The following RAPH1 variants were observed in gnomAD, a reference collection of about 807,000 sequenced individuals.
RAPH1 encodes the protein Ras association (RalGDS/AF-6) and pleckstrin homology domains 1, also known as ras-associated and pleckstrin homology domains-containing protein 1.
RAPH1 carries 18 observed loss-of-function variants against 88.1 expected under a neutral mutation model. The observed-to-expected ratio is 0.20, with a 90% CI of 0.14 to 0.30. The LOEUF (loss-of-function observed/expected upper bound fraction) is 0.30, where lower values mean the gene tolerates loss of function less well. Ranked by LOEUF, RAPH1 falls within the 10% of genes least tolerant of loss-of-function variation. The pLI is 1.00. For synonymous variants in RAPH1, 587 were observed against 559.0 expected (o/e 1.05, Z -0.71); for missense variants, 1,448 against 1,543.2 (o/e 0.94, Z 1.03).
In RAPH1 at chr2:203,440,691, A is replaced by T. The variant is rs1366119206; in HGVS notation, c.2499T>A (p.Val833=). Residue 833 remains valine (V), a synonymous_variant, in exon 14 of 14, where the codon GTT becomes GTA. Transcript: ENST00000319170. ...YIPPSPPTPP[V]PVPPPTLPKQ... ...TGGGTAATGTTGGCGGGGGTACTGG[A>T]ACAGGAGGGGTAGGGGGAGAGGGTG... The T allele has an allele frequency of 1.1e-5, 17 of 1,580,638 alleles. No individual in the cohort carries two copies. Among genetic ancestry groups the T allele is most frequent in the Non-Finnish European group, 1.5e-5 (17 of 1,163,750 alleles).
chr2:203,458,568 A>G (rs2098521716), intron 7 of RAPH1, among the ~76,000 whole-genome samples: 1 of 152,132 alleles, frequency 6.6e-6, no homozygotes, highest in Non-Finnish European at 1.5e-5. Flanking sequence ...TAATCTCTAG[A>G]TTACTTACAA....
intron 4 of RAPH1, among the ~76,000 whole-genome samples, chr2:203,466,878 A>C (rs2098528935): frequency 6.6e-6 from 1 of 152,198 alleles, no homozygotes; most frequent in Admixed American, 6.5e-5. Context: ...AAAGTGTTAG[A>C]ACTTTCTCTA....
intron 1 of RAPH1, among the ~76,000 whole-genome samples, chr2:203,533,030 G>T (rs1336816161): frequency 2.0e-5 from 3 of 152,028 alleles, no homozygotes; most frequent in Non-Finnish European, 4.4e-5. Context: ...AGTATTTATG[G>T]GGTGAGCACC....
intron 1 of RAPH1, among the ~76,000 whole-genome samples, chr2:203,532,836 C>T (rs1261629193): frequency 6.6e-6 from 1 of 152,188 alleles, no homozygotes; most frequent in Non-Finnish European, 1.5e-5. Flanking sequence ...GATAAGTTAT[C>T]TGCCTGAGGT....
intron 4 of RAPH1, among the ~76,000 whole-genome samples, chr2:203,486,216 G>A (rs964917013): frequency 6.6e-6 from 1 of 152,114 alleles, no homozygotes; most frequent in East Asian, 1.9e-4. Flanking sequence ...AGTTGAAACA[G>A]TGATCACCAT....
chr2:203,513,018 A>G (rs1689422727), intron 1 of RAPH1, among the ~76,000 whole-genome samples: 1 of 152,216 alleles, frequency 6.6e-6, no homozygotes, highest in African/African-American at 2.4e-5. Flanking sequence ...GAGTAAAAAC[A>G]GACTTTCATT....
Position 203,444,871 on chromosome 2 carries a change from G to A in RAPH1, c.1773C>T (p.Ser591=). The A allele has an allele frequency of 1.2e-6, 2 of 1,613,560 alleles. No homozygotes were observed. Residue 591 remains serine, a synonymous_variant, in exon 13 of 14, where the codon AGC becomes AGT. Coordinates refer to ENST00000319170, the MANE Select transcript of RAPH1 (RefSeq NM_213589.3). ...WKRGTQLEES[S]KARMESMNRP... ...TAAATTAAAACGAAGCTGTTACCTT[G>A]CTGGACTCTTCCAACTGAGTGCCTC...
chr2:203,522,376 T>C (rs1559504202), intron 1 of RAPH1, among the ~76,000 whole-genome samples: 1 of 152,188 alleles, frequency 6.6e-6, no homozygotes, highest in Non-Finnish European at 1.5e-5. Flanking sequence ...TGTAATACAT[T>C]GTAAGGCAAC....
chr2:203,534,749 G>A (rs1344767509), intron 1 of RAPH1, among the ~76,000 whole-genome samples: 1 of 152,198 alleles, frequency 6.6e-6, no homozygotes, highest in Non-Finnish European at 1.5e-5. Flanking sequence ...CTGGGCGGGG[G>A]AAAGTCCTTT....
rs1689093179 is a variant in RAPH1 at position 203,506,866 on chromosome 2, A to ACATC, written c.1-11514_1-11513insGATG. ...TATATCTATCTATATCTATATATAT[A>ACATC]TATATATATATATAGATATATATAT... is the stretch of plus-strand genomic sequence containing the variant. On this transcript the variant is annotated intron_variant, in intron 1 of 13. Coordinates refer to ENST00000319170, the MANE Select transcript of RAPH1 (RefSeq NM_213589.3). 1.1e-4 allele frequency among the ~76,000 whole-genome samples: 10 copies of ACATC among 90,680 alleles called. 1 individual carries two copies. In the South Asian group the frequency reaches 3.1e-3, roughly 28 times the overall value. 59.5% of individuals were successfully genotyped at this position (90,680 alleles called of 152,430 possible).
At chr2:203,445,090 T>G in intron 12 of RAPH1, 80 bp from the exon 13 acceptor site, 1 of 1,321,936 alleles carries the variant, frequency 7.6e-7, no homozygotes, top group Non-Finnish European at 1.1e-6. Flanking sequence ...TAGTTAGATC[T>G]TTTACACAAG....
At chr2:203,444,249 G>A (rs1419046841) in intron 13 of RAPH1, 1 of 151,986 alleles carries the variant, frequency 6.6e-6, no homozygotes, top group African/African-American at 2.4e-5. Context: ...CTAGACAACA[G>A]GGTGAAACCC....
At chr2:203,491,389 GT>G in intron 2 of RAPH1, 70 bp from the exon 3 acceptor site, 2 of 1,075,386 alleles carry the variant, frequency 1.9e-6, no homozygotes, top group Non-Finnish European at 2.7e-6. Context: ...GATGAAGTTT[GT>G]TTTATGATTA....
intron 1 of RAPH1, among the ~76,000 whole-genome samples, chr2:203,512,695 T>G (rs1257089369): frequency 1.3e-5 from 2 of 148,524 alleles, no homozygotes; most frequent in Admixed American, 6.8e-5. Flanking sequence ...CCATCTTAGC[T>G]CACTGCCACC....
chr2:203,481,927 T>TA (rs1419603626), intron 4 of RAPH1, among the ~76,000 whole-genome samples: 4 of 149,386 alleles, frequency 2.7e-5, no homozygotes, highest in African/African-American at 7.4e-5. Flanking sequence ...TATTATTGTC[T>TA]AAAAAAAAGG....
At chr2:203,506,849 T>A (rs1581382057) in intron 1 of RAPH1, among the ~76,000 whole-genome samples, 1 of 31,432 alleles carries the variant, frequency 3.2e-5, no homozygotes, top group East Asian at 4.9e-4. Flanking sequence ...TATATATCTA[T>A]CTATATCTAT....
intron 1 of RAPH1, among the ~76,000 whole-genome samples, chr2:203,496,854 C>T (rs891590176): frequency 6.6e-6 from 1 of 152,156 alleles, no homozygotes; most frequent in Non-Finnish European, 1.5e-5. Context: ...TTCTAAAACA[C>T]GAATTTTGTT....
chr2:203,525,653 T>C (rs1218734455), intron 1 of RAPH1, among the ~76,000 whole-genome samples: 1 of 152,094 alleles, frequency 6.6e-6, no homozygotes, highest in African/African-American at 2.4e-5. Context: ...GATGCACACC[T>C]GTAATCCCAG....
At chr2:203,443,464 C>T (rs2098506159) in intron 13 of RAPH1, 1 of 152,104 alleles carries the variant, frequency 6.6e-6, no homozygotes, top group Non-Finnish European at 1.5e-5. Flanking sequence ...AAGAACCTCT[C>T]TATTTTCCTA....
Sources: gnomAD v4.1 joint callset for allele counts (sites outside exome capture counted in the v4.1 genomes callset) on GRCh38, gnomAD v4.1.1 for gene constraint, MANE v1.5 for transcripts, NCBI Gene and HGNC (gene_info 2026-07-23, HGNC 2026-07-21) for gene names.